Variants in TMC5 observed in about 807,000 individuals in gnomAD.
TMC5 encodes the protein transmembrane channel like 5, also known as transmembrane channel-like protein 5.
TMC5 carries 86 observed loss-of-function variants against 110.5 expected under a neutral mutation model. That is an observed-to-expected ratio of 0.78 (90% CI 0.65 to 0.93). The LOEUF (loss-of-function observed/expected upper bound fraction) is 0.93. Ranked by LOEUF, TMC5 falls within the 40% of genes least tolerant of loss-of-function variation. The pLI is 0.00. For missense variants in TMC5, 1,144 were observed against 1,222.8 expected, an observed-to-expected ratio of 0.94 and a Z score of 0.96; for synonymous variants, 455 against 439.5, an observed-to-expected ratio of 1.04 and a Z score of -0.44.
chr16:19,452,134 TC>T (rs1036439636), intron 5 of TMC5, among the ~76,000 whole-genome samples: 25 of 152,302 alleles, frequency 1.6e-4, no homozygotes, highest in African/African-American at 5.8e-4. Flanking sequence ...AAGTTGGGGT[TC>T]CCACGACCTC....
At chr16:19,462,584 G>A in intron 6 of TMC5, 1 of 699,732 alleles carries the variant, frequency 1.4e-6, no homozygotes, top group South Asian at 1.5e-5. Flanking sequence ...GACGGCATGT[G>A]CAGGGGAACT....
intron 2 of TMC5, among the ~76,000 whole-genome samples, chr16:19,439,714 G>C (rs1483321304): frequency 5.3e-5 from 8 of 152,152 alleles, no homozygotes; most frequent in Non-Finnish European, 1.2e-4. Flanking sequence ...TGGAGAAAGG[G>C]AGAAATAACC....
At chr16:19,458,564 G>GC (rs1276221241) in intron 5 of TMC5, among the ~76,000 whole-genome samples, 2 of 152,152 alleles carry the variant, frequency 1.3e-5, no homozygotes, top group African/African-American at 4.8e-5. Context: ...ATAAAGTCAA[G>GC]CAGCTCTCAA....
At chr16:19,450,471 C>T (rs1407238413) in intron 5 of TMC5, among the ~76,000 whole-genome samples, 2 of 152,168 alleles carry the variant, frequency 1.3e-5, no homozygotes, top group African/African-American at 2.4e-5. Flanking sequence ...ATCCATTTCT[C>T]ATCTTTGTAA....
intron 5 of TMC5, chr16:19,456,870 C>A (rs748629515): frequency 1.9e-6 from 3 of 1,614,192 alleles, no homozygotes; most frequent in Non-Finnish European, 2.5e-6. Context: ...GTGATAGACT[C>A]TCAGACAGTC....
intron 15 of TMC5, among the ~76,000 whole-genome samples, chr16:19,485,351 A>G (rs1156911839): frequency 6.6e-6 from 1 of 152,174 alleles, no homozygotes; most frequent in Non-Finnish European, 1.5e-5. Context: ...AATAATGCAG[A>G]AGAAAGGCCT....
At chr16:19,423,683 C>T (rs754947924) in intron 1 of TMC5, among the ~76,000 whole-genome samples, 4 of 152,242 alleles carry the variant, frequency 2.6e-5, no homozygotes, top group East Asian at 1.9e-4. Context: ...CAGATATTGG[C>T]GGGGGTTGAG....
chr16:19,416,722 C>T (rs1966878851), upstream of TMC5, among the ~76,000 whole-genome samples: 1 of 152,160 alleles, frequency 6.6e-6, no homozygotes, highest in Non-Finnish European at 1.5e-5. Context: ...CCAGAAGGGA[C>T]ATGCCATTGG....
intron 2 of TMC5, among the ~76,000 whole-genome samples, chr16:19,431,571 A>C (rs915435109): frequency 1.3e-5 from 2 of 151,098 alleles, no homozygotes; most frequent in Non-Finnish European, 2.9e-5. Context: ...AAGAAGAAGA[A>C]GACAAAATGT....
intron 1 of TMC5, among the ~76,000 whole-genome samples, chr16:19,420,251 C>A (rs1336827039): frequency 6.6e-6 from 1 of 151,928 alleles, no homozygotes; most frequent in East Asian, 1.9e-4. Flanking sequence ...ATGGTGAAAC[C>A]CTGTCTCTAC....
In TMC5 at chr16:19,479,275, A is replaced by AT. The variant is rs368289724; in HGVS notation, c.2170-150dup. Among the ~76,000 whole-genome samples, 453 of 152,220 alleles carry AT rather than the reference A, an allele frequency of 3.0e-3. 6 individuals are homozygous for AT. Among genetic ancestry groups the AT allele is most frequent in the African/African-American group, 8.7e-3 (361 of 41,554 alleles). On this transcript the variant is annotated intron_variant, in intron 13 of 21. Transcript: ENST00000542583. ...CATCCCTGGGAACAAACTCAGCTGC[A>AT]TTTTTTCAGAGTGGGTCTACTTTTT...
upstream of TMC5, among the ~76,000 whole-genome samples, chr16:19,416,575 C>G (rs1317156701): frequency 1.3e-5 from 2 of 152,160 alleles, no homozygotes; most frequent in Non-Finnish European, 2.9e-5. Flanking sequence ...ATAGTTCCCA[C>G]TTTGTAGGTT....
chr16:19,458,991 T>C (rs899161499), intron 5 of TMC5, among the ~76,000 whole-genome samples: 2 of 151,932 alleles, frequency 1.3e-5, no homozygotes, highest in Non-Finnish European at 2.9e-5. Context: ...TCACATCACA[T>C]GCAGACACAA....
At chr16:19,431,506 C>G (rs1446216475) in intron 2 of TMC5, among the ~76,000 whole-genome samples, 1 of 150,816 alleles carries the variant, frequency 6.6e-6, no homozygotes, top group Non-Finnish European at 1.5e-5. Flanking sequence ...CGTGCCATTG[C>G]ACTCCAGCCT....
At position 19,498,857 on chromosome 16, in the gene TMC5, T is replaced by G. The variant is rs1969120852; in HGVS notation, c.*891T>G. Reference sequence around the variant, plus strand: ...AAGCGGATCACTTAATGTCAGGAGTTCAAGACCAGCCTGGCCAACATGGTG... The same window carrying G: ...AAGCGGATCACTTAATGTCAGGAGTGCAAGACCAGCCTGGCCAACATGGTG... On this transcript the variant is annotated 3_prime_UTR_variant, in exon 22 of 22. Coordinates refer to ENST00000542583, the MANE Select transcript of TMC5 (RefSeq NM_001261841.2). The G allele has an allele frequency of 6.6e-6, 1 of 151,830 alleles. No homozygotes were observed. The allele number at this position is 151,830 out of a possible 1,614,324, so 9.4% of individuals were successfully genotyped here. A position where few individuals can be genotyped will look rare whatever the true frequency, so the allele number is the denominator to read the frequency against.
At chr16:19,447,203 G>A (rs974930259) in intron 4 of TMC5, among the ~76,000 whole-genome samples, 6 of 152,084 alleles carry the variant, frequency 3.9e-5, no homozygotes, top group Non-Finnish European at 7.4e-5. Flanking sequence ...TTGGCTCTAC[G>A]TCATGGGTTC....
At chr16:19,434,371 T>C (rs1392205819) in intron 2 of TMC5, among the ~76,000 whole-genome samples, 1 of 70,332 alleles carries the variant, frequency 1.4e-5, no homozygotes, top group Non-Finnish European at 2.5e-5. Flanking sequence ...ATATATAATA[T>C]AGATCTATAT....
intron 2 of TMC5, among the ~76,000 whole-genome samples, chr16:19,434,499 G>GATAGATAT (rs747139925): frequency 0.035 from 4,474 of 127,038 alleles, 283 homozygotes; most frequent in Admixed American, 0.096. Context: ...TAGATATAGA[G>GATAGATAT]AGAGAGAGAG....
intron 17 of TMC5, 29 bp from the exon 18 acceptor site, chr16:19,490,366 G>C (rs371168954): frequency 7.4e-6 from 12 of 1,611,744 alleles, no homozygotes; most frequent in Non-Finnish European, 8.5e-6. Context: ...TCTTGTGCTA[G>C]AGATGTTCTT....
Sources: allele counts gnomAD v4.1 joint callset (sites outside exome capture counted in the v4.1 genomes callset), GRCh38; gene constraint gnomAD v4.1.1; transcripts MANE v1.5; gene names NCBI Gene and HGNC (gene_info 2026-07-23, HGNC 2026-07-21).